Variants in NKAIN2 observed in about 807,000 individuals in gnomAD.
The protein encoded by NKAIN2 is sodium/potassium-transporting ATPase subunit beta-1-interacting protein 2.
In NKAIN2, 14 loss-of-function variants were observed where a neutral mutation model predicts 32.6. That is an observed-to-expected ratio of 0.43 (90% CI 0.28 to 0.67). The LOEUF (loss-of-function observed/expected upper bound fraction) is 0.67, where lower values mean the gene tolerates loss of function less well. Ranked by LOEUF, NKAIN2 falls within the 30% of genes least tolerant of loss-of-function variation. The pLI is 0.17. For synonymous variants in NKAIN2, 80 were observed against 87.2 expected, an observed-to-expected ratio of 0.92 and a Z score of 0.46; for missense variants, 198 against 258.3, an observed-to-expected ratio of 0.77 and a Z score of 1.60.
intron 3 of NKAIN2, among the ~76,000 whole-genome samples, chr6:124,423,703 C>G (rs1388606633): frequency 6.6e-6 from 1 of 152,078 alleles, no homozygotes; most frequent in Non-Finnish European, 1.5e-5. Context: ...AGAGTGGGTT[C>G]CTTTCCTTCC....
intron 2 of NKAIN2, among the ~76,000 whole-genome samples, chr6:124,354,768 AT>A (rs978852632): frequency 1.6e-4 from 24 of 146,070 alleles, no homozygotes; most frequent in Admixed American, 9.1e-4. Context: ...GTGGATTACT[AT>A]TTTTTTTGTC....
chr6:124,015,839 G>T (rs1006815968), intron 1 of NKAIN2, among the ~76,000 whole-genome samples: 2 of 152,024 alleles, frequency 1.3e-5, no homozygotes, highest in Non-Finnish European at 2.9e-5. Flanking sequence ...CTTAATTATC[G>T]CAGTAAGCAC....
chr6:124,031,146 A>G (rs1199651569), intron 1 of NKAIN2, among the ~76,000 whole-genome samples: 2 of 152,078 alleles, frequency 1.3e-5, no homozygotes, highest in South Asian at 2.1e-4. Flanking sequence ...CTAAATGACA[A>G]ATTTTATTAT....
At chr6:123,855,342 G>T (rs1226228090) in intron 1 of NKAIN2, among the ~76,000 whole-genome samples, 1 of 152,212 alleles carries the variant, frequency 6.6e-6, no homozygotes, top group Non-Finnish European at 1.5e-5. Context: ...TAGAACCCGG[G>T]TGGCACATAA....
At chr6:124,331,815 A>T (rs1797674160) in intron 2 of NKAIN2, among the ~76,000 whole-genome samples, 1 of 152,180 alleles carries the variant, frequency 6.6e-6, no homozygotes, top group Non-Finnish European at 1.5e-5. Flanking sequence ...CTGTGCATAG[A>T]ATTATGAATT....
At chr6:124,381,504 G>A (rs968167655) in intron 3 of NKAIN2, among the ~76,000 whole-genome samples, 5 of 152,090 alleles carry the variant, frequency 3.3e-5, no homozygotes, top group African/African-American at 1.2e-4. Context: ...TTGAGTTTAG[G>A]CACTTTGTAT....
At chr6:124,729,684 A>T (rs1776551255) in intron 4 of NKAIN2, among the ~76,000 whole-genome samples, 1 of 150,752 alleles carries the variant, frequency 6.6e-6, no homozygotes, top group Non-Finnish European at 1.5e-5. Context: ...CTCCTATTCA[A>T]CATAGTGTTG....
intron 4 of NKAIN2, among the ~76,000 whole-genome samples, chr6:124,720,406 C>T (rs1775956175): frequency 2.0e-5 from 3 of 152,090 alleles, no homozygotes; most frequent in Admixed American, 2.0e-4. Context: ...TTAATTTTAA[C>T]ATGTGGTAAA....
At chr6:124,416,293 C>T (rs1328798146) in intron 3 of NKAIN2, among the ~76,000 whole-genome samples, 1 of 152,106 alleles carries the variant, frequency 6.6e-6, no homozygotes, top group African/African-American at 2.4e-5. Context: ...AATCTCCTCA[C>T]CTAAGTTATA....
intron 1 of NKAIN2, among the ~76,000 whole-genome samples, chr6:123,842,802 G>A (rs955272475): frequency 6.6e-6 from 1 of 152,114 alleles, no homozygotes; most frequent in East Asian, 1.9e-4. Context: ...CTGAGTGTCT[G>A]TAGTTTTTGC....
chr6:124,651,455 G>C (rs1028596745), intron 3 of NKAIN2, among the ~76,000 whole-genome samples: 5 of 152,138 alleles, frequency 3.3e-5, no homozygotes, highest in Admixed American at 6.6e-5. Flanking sequence ...TTCTGCCTGG[G>C]CCCCAGGCTG....
intron 4 of NKAIN2, among the ~76,000 whole-genome samples, chr6:124,738,882 C>A (rs1322307542): frequency 6.6e-6 from 1 of 151,872 alleles, no homozygotes; most frequent in Non-Finnish European, 1.5e-5. Context: ...CAATGTATTA[C>A]ACACATTAGC....
At chr6:124,823,044 G>A (rs142736742) in intron 6 of NKAIN2, among the ~76,000 whole-genome samples, 176 bp from the exon 7 acceptor site, 6 of 152,196 alleles carry the variant, frequency 3.9e-5, no homozygotes, top group African/African-American at 1.2e-4. Flanking sequence ...CTCTATCCCT[G>A]CAATTGCCAT....
chr6:124,392,678 A>G (rs1171671500), intron 3 of NKAIN2, among the ~76,000 whole-genome samples: 1 of 152,130 alleles, frequency 6.6e-6, no homozygotes, highest in Non-Finnish European at 1.5e-5. Flanking sequence ...TAAAAAGTGT[A>G]TTTATGATAG....
intron 1 of NKAIN2, among the ~76,000 whole-genome samples, chr6:124,187,248 C>T (rs1789790826): frequency 6.6e-6 from 1 of 152,150 alleles, no homozygotes; most frequent in South Asian, 2.1e-4. Context: ...CATAACCTAA[C>T]CTACCTTGGC....
At chr6:124,725,177 A>G (rs1393819874) in intron 4 of NKAIN2, among the ~76,000 whole-genome samples, 5 of 152,260 alleles carry the variant, frequency 3.3e-5, no homozygotes, top group Non-Finnish European at 2.9e-5. Context: ...CTCACTTCTC[A>G]TGCCCTCTAT....
chr6:124,091,516 A>G (rs1345177610), intron 1 of NKAIN2, among the ~76,000 whole-genome samples: 2 of 152,056 alleles, frequency 1.3e-5, no homozygotes, highest in African/African-American at 4.8e-5. Flanking sequence ...TTGATTTTCC[A>G]TCAAAGACCA....
At chr6:124,639,788 T>C (rs1783917298) in intron 3 of NKAIN2, among the ~76,000 whole-genome samples, 1 of 152,054 alleles carries the variant, frequency 6.6e-6, no homozygotes, top group Non-Finnish European at 1.5e-5. Flanking sequence ...GTTGATCTCA[T>C]AGAAGTGGAG....
intron 2 of NKAIN2, among the ~76,000 whole-genome samples, chr6:124,297,181 C>T (rs1030631113): frequency 3.9e-5 from 6 of 152,156 alleles, no homozygotes; most frequent in African/African-American, 1.4e-4. Context: ...GACCCACACA[C>T]AGTCAAAAAT....
Sources: gnomAD v4.1 joint callset for allele counts (sites outside exome capture counted in the v4.1 genomes callset) on GRCh38, gnomAD v4.1.1 for gene constraint, MANE v1.5 for transcripts, NCBI Gene and HGNC (gene_info 2026-07-23, HGNC 2026-07-21) for gene names.